Variants in SOX6 observed in about 807,000 individuals in gnomAD.
SOX6 encodes transcription factor SOX-6.
A neutral mutation model predicts 97.8 loss-of-function variants in SOX6; 11 were observed. That is an observed-to-expected ratio of 0.11 (90% CI 0.07 to 0.19). SOX6 has a LOEUF of 0.19. Ranked by LOEUF, SOX6 falls within the 10% of genes least tolerant of loss-of-function variation. The pLI is 1.00. For missense variants in SOX6, 810 were observed against 1,039.5 expected, an observed-to-expected ratio of 0.78 and a Z score of 3.04; for synonymous variants, 360 against 371.4, an observed-to-expected ratio of 0.97 and a Z score of 0.35.
In SOX6 at chr11:16,565,121, T is replaced by C. The variant is rs12283896; in HGVS notation, n.609+46960A>G. Among the ~76,000 whole-genome samples, 3 of 151,986 alleles carry C rather than the reference T, an allele frequency of 2.0e-5. No homozygotes were observed. The East Asian group carries it at 5.8e-4, about 29-fold the overall frequency. ...CCAATATTAGTAATGAAATAGGGGA[T>C]ATCATTACAGACCGTGCAGACATAA... On this transcript the variant is annotated intron_variant and non_coding_transcript_variant, in intron 4 of 5. Transcript: ENST00000524520.
Position 16,510,378 on chromosome 11 carries a change from T to TGATCCTGGCCTAC in SOX6, n.610-33991_610-33990insGTAGGCCAGGATC, listed in dbSNP as rs1361766421. Among the ~76,000 whole-genome samples the TGATCCTGGCCTAC allele has an allele frequency of 4.6e-5, 7 of 152,076 alleles. No homozygotes were observed. In the East Asian group the frequency reaches 1.2e-3, roughly 25 times the overall value. The stretch of plus-strand genomic sequence containing the variant: ...CCCTATTTTTTTTCCCTTCAACTTG[T>TGATCCTGGCCTAC]ATTAATTCAGCATCTGATCCTGGCC... On this transcript the variant is annotated intron_variant and non_coding_transcript_variant, in intron 4 of 5. Coordinates refer to the SOX6 transcript ENST00000524520.
chr11:16,578,359 G>T (rs142607134), intron 4 of SOX6, among the ~76,000 whole-genome samples: 4 of 151,946 alleles, frequency 2.6e-5, no homozygotes, highest in Non-Finnish European at 5.9e-5. Flanking sequence ...TTTTTTAATC[G>T]TATTTTTTCC....
chr11:16,456,240 C>A (rs1285011997), intron 1 of SOX6, among the ~76,000 whole-genome samples: 1 of 151,914 alleles, frequency 6.6e-6, no homozygotes, highest in South Asian at 2.1e-4. Flanking sequence ...GGGTTTAGTC[C>A]GTTTTAGTGA....
chr11:16,653,425 G>C (rs943594044), intron 3 of SOX6, among the ~76,000 whole-genome samples: 2 of 152,202 alleles, frequency 1.3e-5, no homozygotes, highest in Admixed American at 1.3e-4. Flanking sequence ...TATACACCAT[G>C]GAATAACGAC....
At chr11:16,444,116 G>C (rs1253800252) in intron 1 of SOX6, among the ~76,000 whole-genome samples, 1 of 149,498 alleles carries the variant, frequency 6.7e-6, no homozygotes, top group South Asian at 2.1e-4. Context: ...AAGAAAACAA[G>C]AAGCAAAAAC....
intron 13 of SOX6, among the ~76,000 whole-genome samples, chr11:16,010,173 C>A (rs1420121267): frequency 5.7e-5 from 8 of 139,842 alleles, no homozygotes; most frequent in African/African-American, 1.3e-4. Flanking sequence ...CACACACACA[C>A]AAATAAAGCT....
chr11:16,660,710 A>G lies in SOX6; in HGVS notation n.430-48450T>C, dbSNP rs146628003. Among the ~76,000 whole-genome samples, 304 of 152,344 alleles carry G rather than the reference A, an allele frequency of 2.0e-3. 1 individual carries two copies. The highest frequency in any genetic ancestry group is 3.8e-3 in the Non-Finnish European group (258 of 68,032). On this transcript the variant is annotated intron_variant and non_coding_transcript_variant, in intron 3 of 5. Coordinates refer to the SOX6 transcript ENST00000524520. ...TGAAGGTTATAAAGGCAGAGCTCTT[A>G]TAGATGGGATTAGTACCCTTATAAA... is the stretch of plus-strand genomic sequence containing the variant.
rs1418611615 is a variant in SOX6, at chr11:15,969,338, TA to T, written c.*3470del. The T allele has an allele frequency of 6.6e-6, 1 of 152,212 alleles. No homozygotes were observed. Among genetic ancestry groups the T allele is most frequent in the Non-Finnish European group, 1.5e-5 (1 of 68,038 alleles). The allele number at this position is 152,212 out of a possible 1,614,324, so 9.4% of individuals were successfully genotyped here. A position where few individuals can be genotyped will look rare whatever the true frequency, so the allele number is the denominator to read the frequency against. ...TAGTGGCATTCATGCTTCTTGCTAT[TA>T]AATGGTCACAGAACTATCTTAGAAG... On this transcript the variant is annotated 3_prime_UTR_variant, in exon 16 of 16. Coordinates refer to ENST00000683767, the MANE Select transcript of SOX6 (RefSeq NM_001367873.1).
chr11:16,160,373 C>A (rs557075398), intron 6 of SOX6, among the ~76,000 whole-genome samples: 1 of 152,248 alleles, frequency 6.6e-6, no homozygotes, highest in South Asian at 2.1e-4. Flanking sequence ...GCAGCTCAGG[C>A]AAACTACAGG....
At chr11:16,239,460 CT>C (rs1369051358) in intron 3 of SOX6, among the ~76,000 whole-genome samples, 1 of 151,976 alleles carries the variant, frequency 6.6e-6, no homozygotes, top group African/African-American at 2.4e-5. Flanking sequence ...CCAAATAAAC[CT>C]AGAATAACTT....
At position 16,586,265 on chromosome 11, in the gene SOX6, GA is replaced by G. The variant is rs34531777; in HGVS notation, n.609+25815del. On this transcript the variant is annotated intron_variant and non_coding_transcript_variant, in intron 4 of 5. Transcript: ENST00000524520. ...GCCTCCCTGTACATTGCTGAAACAG[GA>G]AAAAAAAATAACATAAATTCAGAAA... 4.4e-3 allele frequency among the ~76,000 whole-genome samples: 654 copies of G among 150,338 alleles called. 2 individuals carry two copies. The highest frequency in any genetic ancestry group is 6.9e-3 in the Non-Finnish European group (466 of 67,578).
At chr11:16,540,557 T>C (rs996238422) in intron 4 of SOX6, among the ~76,000 whole-genome samples, 3 of 152,120 alleles carry the variant, frequency 2.0e-5, no homozygotes, top group African/African-American at 7.2e-5. Flanking sequence ...AACATGATTG[T>C]ATATTTAGAA....
intron 9 of SOX6, among the ~76,000 whole-genome samples, chr11:16,061,119 A>T (rs1342759773): frequency 8.6e-5 from 13 of 151,730 alleles, no homozygotes. Flanking sequence ...AAGGCAAAAA[A>T]ATTTAGTCAA....
intron 4 of SOX6, among the ~76,000 whole-genome samples, chr11:16,529,983 A>C (rs997398619): frequency 4.6e-5 from 7 of 152,098 alleles, no homozygotes; most frequent in Non-Finnish European, 7.4e-5. Flanking sequence ...AAAAGGTGGC[A>C]GTAGAAAGTC....
chr11:16,536,744 G>A (rs2133173681), intron 4 of SOX6, among the ~76,000 whole-genome samples: 1 of 152,326 alleles, frequency 6.6e-6, no homozygotes, highest in South Asian at 2.1e-4. Flanking sequence ...CAGCTGGGTG[G>A]TGGGACGGCC....
At chr11:15,992,239 T>C (rs1246410094) in intron 13 of SOX6, among the ~76,000 whole-genome samples, 2 of 152,160 alleles carry the variant, frequency 1.3e-5, no homozygotes, top group Non-Finnish European at 2.9e-5. Context: ...TAAGCTAAAC[T>C]AGAAATGTTG....
At chr11:16,728,658 C>G (rs1206268698) in intron 2 of SOX6, among the ~76,000 whole-genome samples, 1 of 152,176 alleles carries the variant, frequency 6.6e-6, no homozygotes, top group Non-Finnish European at 1.5e-5. Flanking sequence ...ATTCCAAAAA[C>G]CAGAACACCT....
chr11:16,544,630 A>G (rs1274209300), intron 4 of SOX6, among the ~76,000 whole-genome samples: 1 of 152,212 alleles, frequency 6.6e-6, no homozygotes. Context: ...GCACAACATT[A>G]TAAATATACC....
chr11:16,317,094 C>T (rs1026894964), intron 3 of SOX6: 45 of 151,850 alleles, frequency 3.0e-4, no homozygotes, highest in African/African-American at 1.0e-3. Context: ...CAAAAAAATA[C>T]ATATATACAA....
Sources: gnomAD v4.1 joint callset for allele counts (sites outside exome capture counted in the v4.1 genomes callset) on GRCh38, gnomAD v4.1.1 for gene constraint, MANE v1.5 for transcripts, NCBI Gene and HGNC (gene_info 2026-07-23, HGNC 2026-07-21) for gene names.